The following COL25A1 variants were observed in gnomAD, a reference collection of about 807,000 sequenced individuals.
The protein encoded by COL25A1 is collagen alpha-1(XXV) chain.
A neutral mutation model predicts 128.4 loss-of-function variants in COL25A1; 103 were observed. That is an observed-to-expected ratio of 0.80 (90% CI 0.68 to 0.94). The LOEUF is 0.94. Among genes scored for constraint, COL25A1 ranks in the 40% least tolerant of loss-of-function variants. COL25A1 has a pLI of 0.00. For missense variants in COL25A1, 745 were observed against 840.0 expected (o/e 0.89, Z 1.40); for synonymous variants, 279 against 277.2 (o/e 1.01, Z -0.06).
rs117610331 is a variant in COL25A1, at chr4:109,014,518, G to A, written c.421-4143C>T. ...TTTTCCTGTCCATCTTTAATACGTC[G>A]CATTCCTGCCATTATACTGACCAAA... On this transcript the variant is annotated intron_variant, in intron 5 of 37. Transcript: ENST00000399132. 1.1e-3 allele frequency among the ~76,000 whole-genome samples: 160 copies of A among 152,218 alleles called. 4 individuals carry two copies. In the East Asian group the frequency reaches 0.026, roughly 25 times the overall value.
intron 3 of COL25A1, among the ~76,000 whole-genome samples, chr4:109,064,398 A>G (rs1762237784): frequency 1.3e-5 from 2 of 152,234 alleles, no homozygotes; most frequent in African/African-American, 4.8e-5. Flanking sequence ...AGACATAATT[A>G]CAAAGTTCTA....
intron 35 of COL25A1, among the ~76,000 whole-genome samples, chr4:108,820,945 C>A (rs1248995018): frequency 6.6e-6 from 1 of 152,146 alleles, no homozygotes; most frequent in African/African-American, 2.4e-5. Flanking sequence ...ATATTAACAT[C>A]AGTATCTCTG....
intron 3 of COL25A1, among the ~76,000 whole-genome samples, chr4:109,077,290 A>G (rs973264878): frequency 6.6e-6 from 1 of 152,206 alleles, no homozygotes; most frequent in Non-Finnish European, 1.5e-5. Context: ...ATATCTATAC[A>G]GCAATACTTA....
At chr4:109,217,405 T>C (rs1423912477) in intron 3 of COL25A1, among the ~76,000 whole-genome samples, 1 of 152,200 alleles carries the variant, frequency 6.6e-6, no homozygotes, top group Admixed American at 6.5e-5. Flanking sequence ...CTAACAGCTA[T>C]TATTTTTAAA....
intron 3 of COL25A1, among the ~76,000 whole-genome samples, chr4:109,229,313 C>T (rs1016389742): frequency 2.6e-5 from 4 of 152,166 alleles, no homozygotes; most frequent in Non-Finnish European, 5.9e-5. Context: ...AATTCTGAAC[C>T]ATTGCTCCTA....
At chr4:109,283,421 T>G (rs770680209) in intron 3 of COL25A1, among the ~76,000 whole-genome samples, 2 of 152,034 alleles carry the variant, frequency 1.3e-5, no homozygotes, top group Non-Finnish European at 2.9e-5. Context: ...TAATTTTTTT[T>G]CTTTTTCTTT....
chr4:108,976,163 G>T (rs114220681), intron 6 of COL25A1, among the ~76,000 whole-genome samples: 2,693 of 152,066 alleles, frequency 0.018, 63 homozygotes, highest in East Asian at 0.067. Flanking sequence ...TTCCATTTTA[G>T]TTTAGAAGCT....
chr4:108,883,052 C>A (rs1312396494), intron 19 of COL25A1, among the ~76,000 whole-genome samples: 3 of 151,950 alleles, frequency 2.0e-5, no homozygotes, highest in African/African-American at 7.3e-5. Context: ...ATTTATTTTT[C>A]TTTTTTAGAG....
chr4:109,274,329 A>C (rs144968955), intron 3 of COL25A1, among the ~76,000 whole-genome samples: 44 of 152,348 alleles, frequency 2.9e-4, no homozygotes, highest in African/African-American at 7.9e-4. Context: ...GATGGACATA[A>C]CAAAAACAGA....
chr4:108,808,837 T>G lies in COL25A1; in HGVS notation c.*5090A>C, dbSNP rs1190498043. ...TTATGAAAATAAGTCATAAATAGTG[T>G]AAAAATAATTCTGAAGATCAACTTC... On this transcript the variant is annotated 3_prime_UTR_variant, in exon 38 of 38. Transcript: ENST00000399132. 1.3e-5 allele frequency: 2 copies of G among 152,156 alleles called. No individual in the cohort carries two copies. The highest frequency in any genetic ancestry group is 4.8e-5 in the African/African-American group (2 of 41,446). 9.4% of individuals were successfully genotyped at this position (152,156 alleles called of 1,614,324 possible).
At chr4:108,908,534 T>C (rs1248674258) in intron 13 of COL25A1, among the ~76,000 whole-genome samples, 4 of 152,156 alleles carry the variant, frequency 2.6e-5, no homozygotes, top group Non-Finnish European at 5.9e-5. Context: ...GCCTGGACTA[T>C]TAGGTTTGCT....
intron 3 of COL25A1, among the ~76,000 whole-genome samples, chr4:109,083,459 T>TAA (rs1430791599): frequency 8.3e-5 from 10 of 120,950 alleles, no homozygotes; most frequent in African/African-American, 3.1e-4. Flanking sequence ...TTTTTTTTTT[T>TAA]TTTTTTTTTT....
At chr4:109,284,314 ACT>A (rs1178770449) in intron 3 of COL25A1, among the ~76,000 whole-genome samples, 3 of 152,202 alleles carry the variant, frequency 2.0e-5, no homozygotes, top group African/African-American at 7.2e-5. Flanking sequence ...AATCCCAGCT[ACT>A]CAGGAGGCTG....
chr4:108,880,453 T>C (rs1481984198), intron 19 of COL25A1, among the ~76,000 whole-genome samples: 1 of 152,196 alleles, frequency 6.6e-6, no homozygotes, highest in Admixed American at 6.5e-5. Context: ...TTACATCCTA[T>C]AGGTTAAAAT....
Position 108,868,525 on chromosome 4 carries a change from A to T in COL25A1, c.1083+563T>A, listed in dbSNP as rs370126950. On this transcript the variant is annotated intron_variant, in intron 20 of 37. Coordinates refer to ENST00000399132, the MANE Select transcript of COL25A1 (RefSeq NM_198721.4). ...GAGGGAGGGAGGGAGAGAGAGAGGA[A>T]GAAAAGAAAGAAAGAAAAGAAAAAA... Among the ~76,000 whole-genome samples the T allele has an allele frequency of 2.5e-3, 308 of 125,324 alleles. 2 individuals carry two copies. The highest frequency in any genetic ancestry group is 8.9e-3 in the African/African-American group (293 of 33,024). The allele number at this position is 125,324 out of a possible 152,430, so 82.2% of individuals were successfully genotyped here. A position where few individuals can be genotyped will look rare whatever the true frequency, so the allele number is the denominator to read the frequency against.
intron 3 of COL25A1, among the ~76,000 whole-genome samples, chr4:109,214,271 A>G (rs1306719230): frequency 6.6e-6 from 1 of 152,186 alleles, no homozygotes; most frequent in African/African-American, 2.4e-5. Context: ...AAAATCAATT[A>G]GGTTGTTTCA....
intron 5 of COL25A1, among the ~76,000 whole-genome samples, chr4:109,043,363 T>C (rs1330714193): frequency 6.6e-6 from 1 of 152,100 alleles, no homozygotes; most frequent in African/African-American, 2.4e-5. Context: ...GAAATAGCAT[T>C]GTAAGCTTAA....
chr4:109,157,699 T>C (rs1211867073), intron 3 of COL25A1, among the ~76,000 whole-genome samples: 1 of 152,204 alleles, frequency 6.6e-6, no homozygotes, highest in Non-Finnish European at 1.5e-5. Flanking sequence ...AAATCACCAA[T>C]CCTGTCTTAC....
At chr4:109,098,061 T>C (rs1765554977) in intron 3 of COL25A1, among the ~76,000 whole-genome samples, 1 of 152,202 alleles carries the variant, frequency 6.6e-6, no homozygotes, top group East Asian at 1.9e-4. Context: ...TAAAGGCCTC[T>C]GCTTCAGGAA....
Sources: gnomAD v4.1 joint callset for allele counts (sites outside exome capture counted in the v4.1 genomes callset) on GRCh38, gnomAD v4.1.1 for gene constraint, MANE v1.5 for transcripts, NCBI Gene and HGNC (gene_info 2026-07-23, HGNC 2026-07-21) for gene names.